Variants in STK3 observed in about 807,000 individuals in gnomAD.
STK3 encodes serine/threonine-protein kinase 3.
A neutral mutation model predicts 58.0 loss-of-function variants in STK3; 41 were observed. That is an observed-to-expected ratio of 0.71 (90% CI 0.55 to 0.92). The LOEUF is 0.92. Among genes scored for constraint, STK3 ranks in the 40% least tolerant of loss-of-function variants. The pLI is 0.00. For missense variants in STK3, 479 were observed against 602.7 expected (o/e 0.79, Z 2.15); for synonymous variants, 170 against 191.0 (o/e 0.89, Z 0.91).
intron 8 of STK3, among the ~76,000 whole-genome samples, chr8:98,560,292 ATT>A (rs1011580586): frequency 6.6e-6 from 1 of 152,152 alleles, no homozygotes; most frequent in African/African-American, 2.4e-5. Flanking sequence ...AGATGACATC[ATT>A]GTCTGTGTAG....
chr8:98,768,685 CCTCAG>C (rs1472978206), intron 2 of STK3, among the ~76,000 whole-genome samples: 3 of 152,348 alleles, frequency 2.0e-5, no homozygotes, highest in Non-Finnish European at 4.4e-5. Context: ...TCTAAGGACT[CCTCAG>C]CACTACGAAA....
chr8:98,599,435 A>C (rs1816134261), intron 6 of STK3, among the ~76,000 whole-genome samples: 1 of 152,096 alleles, frequency 6.6e-6, no homozygotes, highest in African/African-American at 2.4e-5. Context: ...GTGTGGCTTT[A>C]GTATCATTTT....
At chr8:98,693,241 T>C (rs530544458) in intron 6 of STK3, among the ~76,000 whole-genome samples, 1 of 151,632 alleles carries the variant, frequency 6.6e-6, no homozygotes, top group East Asian at 1.9e-4. Flanking sequence ...ACAAAAAAAA[T>C]ATAAGATTTA....
intron 6 of STK3, among the ~76,000 whole-genome samples, chr8:98,609,615 C>G (rs1390674966): frequency 3.9e-5 from 6 of 152,070 alleles, no homozygotes; most frequent in Non-Finnish European, 7.4e-5. Context: ...AAAAATAAAG[C>G]TGATGAACTA....
the STK3 span, among the ~76,000 whole-genome samples, chr8:98,353,457 C>T: frequency 7.2e-5 from 11 of 152,182 alleles, no homozygotes; most frequent in Admixed American, 6.5e-4. Flanking sequence ...CACCACTGCA[C>T]TCCAGCCTGG....
At chr8:98,832,770 A>C (rs931024554) in intron 3 of STK3, among the ~76,000 whole-genome samples, 1 of 152,290 alleles carries the variant, frequency 6.6e-6, no homozygotes, top group South Asian at 2.1e-4. Context: ...TGTGCACAGC[A>C]GACCTAGTTG....
intron 8 of STK3, among the ~76,000 whole-genome samples, chr8:98,574,729 G>A (rs1813251543): frequency 6.6e-6 from 1 of 152,138 alleles, no homozygotes; most frequent in East Asian, 1.9e-4. Flanking sequence ...CAGGAAGCAG[G>A]CTGAGAAAAC....
chr8:98,691,107 T>C (rs899531808), intron 6 of STK3, among the ~76,000 whole-genome samples: 2 of 152,150 alleles, frequency 1.3e-5, no homozygotes, highest in African/African-American at 4.8e-5. Context: ...TCCTATCGGA[T>C]ACTATGTTCA....
rs374739035 is a variant in STK3 at position 98,846,856 on chromosome 8, T to TACACACACACAC, written c.110+36779_110+36790dup. On this transcript the variant is annotated intron_variant, in intron 3 of 12. Transcript: ENST00000523601. ...TTCATTCCTAAACTATTCAGGATCC[T>TACACACACACAC]ACACACACACACACACACACACACA... is the stretch of plus-strand genomic sequence containing the variant. Among the ~76,000 whole-genome samples, 755 of 143,390 alleles carry TACACACACACAC rather than the reference T, an allele frequency of 5.3e-3. 5 individuals are homozygous for TACACACACACAC. Among genetic ancestry groups the TACACACACACAC allele is most frequent in the African/African-American group, 0.018 (702 of 39,010 alleles). 94.1% of individuals were successfully genotyped at this position (143,390 alleles called of 152,430 possible).
intron 6 of STK3, among the ~76,000 whole-genome samples, chr8:98,640,232 T>G (rs1819912513): frequency 6.6e-6 from 1 of 152,084 alleles, no homozygotes; most frequent in African/African-American, 2.4e-5. Flanking sequence ...TTTTGTACTG[T>G]AGACACGGGG....
chr8:98,769,267 C>T (rs1039752028), intron 2 of STK3, among the ~76,000 whole-genome samples: 1 of 152,190 alleles, frequency 6.6e-6, no homozygotes, highest in African/African-American at 2.4e-5. Flanking sequence ...ACCCGAATCT[C>T]ATCTTGTAGC....
intron 6 of STK3, among the ~76,000 whole-genome samples, chr8:98,635,742 T>C (rs1253027668): frequency 6.6e-6 from 1 of 152,114 alleles, no homozygotes; most frequent in Non-Finnish European, 1.5e-5. Context: ...TTTTAATCTG[T>C]ATAAACATGT....
At chr8:98,875,526 G>T (rs1039908400) in intron 3 of STK3, 9 of 152,202 alleles carry the variant, frequency 5.9e-5, no homozygotes, top group Admixed American at 5.9e-4. Context: ...ATAAAATCCA[G>T]AAGCTCAGTC....
intron 4 of STK3, among the ~76,000 whole-genome samples, chr8:98,745,032 C>T (rs1266664846): frequency 1.3e-5 from 2 of 152,130 alleles, no homozygotes; most frequent in African/African-American, 4.8e-5. Flanking sequence ...GCAAAACCAC[C>T]ATAATGACAG....
intron 4 of STK3, among the ~76,000 whole-genome samples, chr8:98,718,542 T>G (rs1196315738): frequency 6.6e-6 from 1 of 152,178 alleles, no homozygotes; most frequent in Non-Finnish European, 1.5e-5. Context: ...TAACCACACA[T>G]GGCTCCTAAA....
chr8:98,857,706 T>G (rs1280036788), intron 3 of STK3, among the ~76,000 whole-genome samples: 3 of 152,130 alleles, frequency 2.0e-5, no homozygotes, highest in Admixed American at 2.0e-4. Flanking sequence ...GACCATAAAA[T>G]AGAAGCTGAA....
rs535282117 is a variant in STK3, at chr8:98,656,952, T to C, written c.684+49515A>G. Among the ~76,000 whole-genome samples, 3 of 152,248 alleles carry C rather than the reference T, an allele frequency of 2.0e-5. No individual in the cohort carries two copies. The South Asian group carries it at 6.2e-4, about 32-fold the overall frequency. On this transcript the variant is annotated intron_variant, in intron 6 of 10. Transcript: ENST00000419617. ...AAATACTGGTTGAGTCACTCATTCA[T>C]TTATTATTTAATAAGAATTACTCTA...
chr8:98,427,962 G>A (rs1818264520), intron 3 of STK3: 1 of 1,484,200 alleles, frequency 6.7e-7, no homozygotes, highest in African/African-American at 1.4e-5. Flanking sequence ...CGCGGCGCGG[G>A]CGGCCGGCGC....
At chr8:98,344,302 C>T in the STK3 span, among the ~76,000 whole-genome samples, 1 of 152,206 alleles carries the variant, frequency 6.6e-6, no homozygotes, top group Non-Finnish European at 1.5e-5. Context: ...TGCTGCAGTC[C>T]TCCTCACCTG....
Sources: allele counts gnomAD v4.1 joint callset (sites outside exome capture counted in the v4.1 genomes callset), GRCh38; gene constraint gnomAD v4.1.1; transcripts MANE v1.5; gene names NCBI Gene and HGNC (gene_info 2026-07-23, HGNC 2026-07-21).